ASIC2: variants seen among roughly 807,000 people sequenced by gnomAD.
The protein encoded by ASIC2 is acid-sensing ion channel 2.
ASIC2 carries 25 observed loss-of-function variants against 57.3 expected under a neutral mutation model. The observed-to-expected ratio is 0.44, with a 90% CI of 0.32 to 0.61. The LOEUF is 0.61. Ranked by LOEUF, ASIC2 falls within the 20% of genes least tolerant of loss-of-function variation. The pLI, the probability that ASIC2 is intolerant of heterozygous loss-of-function variation, is 0.06. For missense variants in ASIC2, 641 were observed against 738.1 expected, an observed-to-expected ratio of 0.87 and a Z score of 1.52; for synonymous variants, 319 against 307.5, an observed-to-expected ratio of 1.04 and a Z score of -0.39.
In ASIC2 at chr17:34,085,334, T is replaced by A. The variant is rs187734556; in HGVS notation, c.555+70644A>T. On this transcript the variant is annotated intron_variant, in intron 1 of 9. Coordinates refer to the ASIC2 transcript ENST00000359872. ...TCTTTGGTTCTGTTTATATGCTGGA[T>A]TACATTTACTGATTTGTGTATATTG... 4.7e-4 allele frequency among the ~76,000 whole-genome samples: 71 copies of A among 152,368 alleles called. No homozygotes were observed. In the East Asian group the frequency reaches 0.013, roughly 28 times the overall value.
intron 1 of ASIC2, among the ~76,000 whole-genome samples, chr17:33,572,768 T>G (rs1369323777): frequency 6.6e-6 from 1 of 152,198 alleles, no homozygotes; most frequent in Non-Finnish European, 1.5e-5. Flanking sequence ...CCTTAGGAGA[T>G]CTGCACGAAG....
At chr17:33,023,636 G>A (rs1346181019) in intron 6 of ASIC2, among the ~76,000 whole-genome samples, 1 of 152,060 alleles carries the variant, frequency 6.6e-6, no homozygotes, top group African/African-American at 2.4e-5. Flanking sequence ...GTGTGTGCTT[G>A]TCTCTCCATA....
At chr17:33,952,874 T>C (rs530319333) in intron 1 of ASIC2, among the ~76,000 whole-genome samples, 9 of 152,294 alleles carry the variant, frequency 5.9e-5, no homozygotes, top group African/African-American at 2.2e-4. Flanking sequence ...CATAGGAAAA[T>C]GCTTTCACTC....
At chr17:33,172,229 C>T (rs1436968592) in intron 1 of ASIC2, among the ~76,000 whole-genome samples, 1 of 152,126 alleles carries the variant, frequency 6.6e-6, no homozygotes, top group African/African-American at 2.4e-5. Flanking sequence ...TGATCATGTC[C>T]TAAAGTTCAG....
chr17:34,034,184 C>T (rs1407772600), intron 1 of ASIC2, among the ~76,000 whole-genome samples: 1 of 152,166 alleles, frequency 6.6e-6, no homozygotes, highest in African/African-American at 2.4e-5. Flanking sequence ...GGCTTCATCC[C>T]TGGAATGCAA....
chr17:34,106,588 C>T (rs1287100493), intron 1 of ASIC2, among the ~76,000 whole-genome samples: 1 of 152,108 alleles, frequency 6.6e-6, no homozygotes, highest in Admixed American at 6.5e-5. Flanking sequence ...ATAAATGTGT[C>T]TACCTACCTA....
At chr17:33,152,970 G>A (rs1340234664) in intron 1 of ASIC2, among the ~76,000 whole-genome samples, 1 of 152,194 alleles carries the variant, frequency 6.6e-6, no homozygotes, top group Non-Finnish European at 1.5e-5. Flanking sequence ...TTCTCTTCCT[G>A]AGAAGAAATC....
intron 1 of ASIC2, among the ~76,000 whole-genome samples, chr17:33,405,996 C>G (rs946958326): frequency 1.3e-5 from 2 of 151,168 alleles, no homozygotes; most frequent in Admixed American, 1.3e-4. Flanking sequence ...CCTGCCTTTC[C>G]CATGGAAAAT....
chr17:33,722,489 G>C (rs59424081), intron 1 of ASIC2, among the ~76,000 whole-genome samples: 2,687 of 152,264 alleles, frequency 0.018, 80 homozygotes, highest in African/African-American at 0.061. Context: ...TCCAGGCTGG[G>C]TGTGGTGTGG....
chr17:33,507,143 C>A (rs997223840), intron 1 of ASIC2, among the ~76,000 whole-genome samples: 1 of 152,200 alleles, frequency 6.6e-6, no homozygotes, highest in African/African-American at 2.4e-5. Context: ...TATCTTCCCC[C>A]TCAGGACAAT....
At chr17:33,175,178 C>G (rs1905700084) in intron 1 of ASIC2, among the ~76,000 whole-genome samples, 1 of 152,194 alleles carries the variant, frequency 6.6e-6, no homozygotes, top group Non-Finnish European at 1.5e-5. Flanking sequence ...TCTTCCACTG[C>G]TAATGTGACC....
intron 1 of ASIC2, among the ~76,000 whole-genome samples, chr17:34,132,220 A>C (rs1911997716): frequency 6.6e-6 from 1 of 152,074 alleles, no homozygotes; most frequent in African/African-American, 2.4e-5. Flanking sequence ...CCTCCCGGTA[A>C]GTTCGTGGTG....
chr17:34,054,308 T>C (rs1246333782), intron 1 of ASIC2, among the ~76,000 whole-genome samples: 4 of 152,324 alleles, frequency 2.6e-5, no homozygotes, highest in Middle Eastern at 3.4e-3. Flanking sequence ...CTGGGAGACA[T>C]TGATGTCAAT....
intron 1 of ASIC2, among the ~76,000 whole-genome samples, chr17:33,711,559 A>G (rs1375459363): frequency 6.6e-6 from 1 of 152,228 alleles, no homozygotes; most frequent in East Asian, 1.9e-4. Flanking sequence ...TGAGTAATTT[A>G]TAAAGAAAAG....
At chr17:34,059,068 A>C (rs147114593) in intron 1 of ASIC2, among the ~76,000 whole-genome samples, 2 of 152,326 alleles carry the variant, frequency 1.3e-5, no homozygotes, top group Non-Finnish European at 2.9e-5. Flanking sequence ...TGTAGATTTG[A>C]GCTCTGGATC....
intron 1 of ASIC2, among the ~76,000 whole-genome samples, chr17:33,926,634 A>G (rs1157753786): frequency 1.3e-5 from 2 of 152,232 alleles, no homozygotes; most frequent in Non-Finnish European, 2.9e-5. Flanking sequence ...GATGCTACCT[A>G]AAGCAACCAT....
At chr17:33,387,128 T>C (rs1047095354) in intron 1 of ASIC2, among the ~76,000 whole-genome samples, 2 of 152,154 alleles carry the variant, frequency 1.3e-5, no homozygotes, top group African/African-American at 4.8e-5. Flanking sequence ...CCTCAAGTGA[T>C]CCATCTGCCT....
intron 1 of ASIC2, among the ~76,000 whole-genome samples, chr17:33,799,231 C>G (rs762444965): frequency 1.3e-5 from 2 of 150,812 alleles, no homozygotes; most frequent in Non-Finnish European, 3.0e-5. Context: ...TTCCTTCCTT[C>G]TTCTCTTTCC....
At chr17:33,367,672 A>G (rs765516165) in intron 1 of ASIC2, among the ~76,000 whole-genome samples, 1 of 152,202 alleles carries the variant, frequency 6.6e-6, no homozygotes, top group Non-Finnish European at 1.5e-5. Context: ...TCTCAGCATC[A>G]TTAACAGGCT....
Sources: gnomAD v4.1 joint callset for allele counts (sites outside exome capture counted in the v4.1 genomes callset) on GRCh38, gnomAD v4.1.1 for gene constraint, MANE v1.5 for transcripts, NCBI Gene and HGNC (gene_info 2026-07-23, HGNC 2026-07-21) for gene names.